The following VPS41 variants were observed in gnomAD, a reference collection of about 807,000 sequenced individuals.
VPS41 encodes the protein VPS41 subunit of HOPS complex, also known as vacuolar protein sorting-associated protein 41 homolog.
Under a neutral mutation model 130.9 loss-of-function variants are expected in VPS41, and 85 were observed. That is an observed-to-expected ratio of 0.65 (90% CI 0.55 to 0.78). The LOEUF (loss-of-function observed/expected upper bound fraction) is 0.78, where lower values mean the gene tolerates loss of function less well. Ranked by LOEUF, VPS41 falls within the 30% of genes least tolerant of loss-of-function variation. VPS41 has a pLI of 0.00. For synonymous variants in VPS41, 335 were observed against 332.9 expected (o/e 1.01, Z -0.07); for missense variants, 874 against 1,018.7 (o/e 0.86, Z 1.93).
chr7:38,909,163 T>G lies in VPS41; in HGVS notation c.12A>C (p.Ala4=). ...CACCTGCACCCTTTACCTGCTCCTC[T>G]GCTTCCGCCATGGCGCCACGGGAGA... MAE[A]EEQETGSLEE... is the part of the protein sequence containing the mutation. The change falls in exon 1 of 29, where the codon GCA becomes GCC. Residue 4 remains alanine (A), a synonymous_variant. Transcript: ENST00000310301. The G allele has an allele frequency of 6.2e-7, 1 of 1,614,202 alleles. No individual in the cohort carries two copies. The highest frequency in any genetic ancestry group is 8.5e-7 in the Non-Finnish European group (1 of 1,180,016).
At chr7:38,874,170 T>C (rs1256569322) in intron 2 of VPS41, among the ~76,000 whole-genome samples, 1 of 152,150 alleles carries the variant, frequency 6.6e-6, no homozygotes, top group African/African-American at 2.4e-5. Context: ...ACATTTTATA[T>C]GGCATCACTG....
In VPS41 at chr7:38,803,843, G is replaced by A. The variant is rs148478560; in HGVS notation, c.451-6979C>T. Among the ~76,000 whole-genome samples the A allele has an allele frequency of 2.8e-3, 432 of 152,266 alleles. 2 individuals carry two copies. Among genetic ancestry groups the A allele is most frequent in the African/African-American group, 0.01 (416 of 41,550 alleles). ...CAGGTAAGTGTCTTTGTTTTGCTTC[G>A]TGCTTAGGCTTAGTGCCAAAGTTTC... On this transcript the variant is annotated intron_variant, in intron 7 of 28. Transcript: ENST00000310301.
chr7:38,788,303 C>A (rs1021916444), intron 10 of VPS41, among the ~76,000 whole-genome samples: 1 of 152,192 alleles, frequency 6.6e-6, no homozygotes, highest in African/African-American at 2.4e-5. Context: ...TAGATTCTAT[C>A]CATTTTTAAC....
intron 4 of VPS41, among the ~76,000 whole-genome samples, chr7:38,836,540 GAAGT>G (rs1785497210): frequency 6.6e-6 from 1 of 152,070 alleles, no homozygotes; most frequent in South Asian, 2.1e-4. Context: ...TGATTTATAA[GAAGT>G]AATTATAGGT....
chr7:38,863,894 G>A (rs1202807223), intron 3 of VPS41, among the ~76,000 whole-genome samples: 2 of 152,160 alleles, frequency 1.3e-5, no homozygotes, highest in African/African-American at 2.4e-5. Flanking sequence ...ATTCTGGGGG[G>A]AAATTAGTCT....
At chr7:38,752,373 A>T (rs1783694810) in intron 21 of VPS41, 60 bp from the exon 22 acceptor site, 1 of 1,601,956 alleles carries the variant, frequency 6.2e-7, no homozygotes, top group Admixed American at 1.7e-5. Context: ...TACCTGGCTA[A>T]CATTGCTATT....
intron 7 of VPS41, among the ~76,000 whole-genome samples, chr7:38,816,972 C>G (rs117225157): frequency 0.042 from 6,429 of 152,158 alleles, 184 homozygotes; most frequent in Middle Eastern, 0.1. Context: ...AAACTCCCAG[C>G]CTCAAGTGAT....
chr7:38,837,560 T>C (rs1389329342), intron 4 of VPS41, among the ~76,000 whole-genome samples: 1 of 152,202 alleles, frequency 6.6e-6, no homozygotes, highest in Non-Finnish European at 1.5e-5. Context: ...GCACCATGAA[T>C]ATAACAGCTT....
At chr7:38,825,551 G>T (rs1406452615) in intron 5 of VPS41, among the ~76,000 whole-genome samples, 1 of 152,070 alleles carries the variant, frequency 6.6e-6, no homozygotes, top group Non-Finnish European at 1.5e-5. Flanking sequence ...TCTGAGATAA[G>T]AATCACATAA....
At chr7:38,876,066 T>C (rs375939397) in intron 2 of VPS41, among the ~76,000 whole-genome samples, 2 of 152,148 alleles carry the variant, frequency 1.3e-5, no homozygotes, top group African/African-American at 4.8e-5. Context: ...TTTGGCAATG[T>C]CTAGAGTCAT....
chr7:38,744,335 T>C (rs1218323755), intron 23 of VPS41, among the ~76,000 whole-genome samples: 1 of 152,200 alleles, frequency 6.6e-6, no homozygotes, highest in Non-Finnish European at 1.5e-5. Context: ...TCTCTGGGCT[T>C]GCAGGAACTA....
At chr7:38,888,511 C>T (rs1050358885) in intron 2 of VPS41, among the ~76,000 whole-genome samples, 4 of 152,178 alleles carry the variant, frequency 2.6e-5, no homozygotes, top group Admixed American at 6.5e-5. Context: ...TACAGGAGCA[C>T]CCAGATTCAT....
intron 2 of VPS41, among the ~76,000 whole-genome samples, chr7:38,895,361 G>A (rs190767915): frequency 9.9e-4 from 151 of 152,062 alleles, no homozygotes; most frequent in Middle Eastern, 6.9e-3. Flanking sequence ...AACAAACCAC[G>A]TTAAGGTAGT....
At position 38,837,011 on chromosome 7, in the gene VPS41, A is replaced by G. The variant is rs551156309; in HGVS notation, c.247-6683T>C. On this transcript the variant is annotated intron_variant, in intron 4 of 28. Transcript: ENST00000310301. ...TTTCTTTTGTAAGATACTAAGAAATAGAAATTATCTAAATTTCTAAAAGCA... is the reference window on the plus strand; with the variant it reads ...TTTCTTTTGTAAGATACTAAGAAATGGAAATTATCTAAATTTCTAAAAGCA... 2.0e-5 allele frequency among the ~76,000 whole-genome samples: 3 copies of G among 152,378 alleles called. No individual in the cohort carries two copies. In the South Asian group the frequency reaches 6.2e-4, roughly 32 times the overall value.
chr7:38,733,312 C>T lies in VPS41; in HGVS notation c.2260-4521G>A, dbSNP rs78174766. On this transcript the variant is annotated intron_variant, in intron 25 of 28. Coordinates refer to ENST00000310301, the MANE Select transcript of VPS41 (RefSeq NM_014396.4). ...AAATTGTACAGTTCTTCTGAGTTTT[C>T]GAAGATATTGATATAAACTCGTATT... Among the ~76,000 whole-genome samples the T allele has an allele frequency of 6.4e-4, 97 of 152,172 alleles. No individual in the cohort carries two copies. The East Asian group carries it at 0.017, about 27-fold the overall frequency.
intron 2 of VPS41, among the ~76,000 whole-genome samples, chr7:38,896,495 A>T (rs770235265): frequency 6.6e-6 from 1 of 152,256 alleles, no homozygotes; most frequent in Non-Finnish European, 1.5e-5. Flanking sequence ...ATGGCTTTGA[A>T]TGCAGCTCAA....
intron 7 of VPS41, among the ~76,000 whole-genome samples, chr7:38,816,579 G>A (rs544329487): frequency 6.6e-6 from 1 of 152,136 alleles, no homozygotes; most frequent in East Asian, 1.9e-4. Context: ...GTTCCAGTAT[G>A]GTGATAGCAT....
At chr7:38,772,140 T>G (rs1395159292) in intron 13 of VPS41, among the ~76,000 whole-genome samples, 6 of 152,148 alleles carry the variant, frequency 3.9e-5, no homozygotes, top group African/African-American at 1.4e-4. Flanking sequence ...AAACTGATAG[T>G]TCAAACCATC....
At position 38,776,669 on chromosome 7, in the gene VPS41, A is replaced by G; in HGVS notation, c.882+10T>C. Reference sequence around the variant, plus strand: ...CCACATGCCTTTGTATCTGGGGAGAAAATAATTACCGTTTTTTCTGAAATC... The same window carrying G: ...CCACATGCCTTTGTATCTGGGGAGAGAATAATTACCGTTTTTTCTGAAATC... On this transcript the variant is annotated intron_variant, in intron 11 of 28. Coordinates refer to ENST00000310301, the MANE Select transcript of VPS41 (RefSeq NM_014396.4). 6.4e-7 allele frequency: 1 copy of G among 1,551,572 alleles called. No homozygotes were observed. The highest frequency in any genetic ancestry group is 8.9e-7 in the Non-Finnish European group (1 of 1,123,600).
Sources: gnomAD v4.1 joint callset for allele counts (sites outside exome capture counted in the v4.1 genomes callset) on GRCh38, gnomAD v4.1.1 for gene constraint, MANE v1.5 for transcripts, NCBI Gene and HGNC (gene_info 2026-07-23, HGNC 2026-07-21) for gene names.